KDM4B: variants seen among roughly 807,000 people sequenced by gnomAD.
The protein encoded by KDM4B is lysine-specific demethylase 4B.
In KDM4B, 32 loss-of-function variants were observed where a neutral mutation model predicts 125.2. The observed-to-expected ratio is 0.26, with a 90% CI of 0.19 to 0.34. KDM4B has a LOEUF of 0.34. Among genes scored for constraint, KDM4B ranks in the 10% least tolerant of loss-of-function variants. KDM4B has a pLI of 1.00. For missense variants in KDM4B, 1,190 were observed against 1,577.7 expected, an observed-to-expected ratio of 0.75 and a Z score of 4.16; for synonymous variants, 721 against 677.9, an observed-to-expected ratio of 1.06 and a Z score of -0.99.
intron 1 of KDM4B, among the ~76,000 whole-genome samples, chr19:4,991,625 C>T (rs927730270): frequency 3.9e-5 from 6 of 152,204 alleles, no homozygotes; most frequent in Admixed American, 6.5e-5. Flanking sequence ...CCTCAGGCGT[C>T]CTCAGTGTTA....
chr19:5,138,290 A>G (rs1599260272), intron 18 of KDM4B: 2 of 566,320 alleles, frequency 3.5e-6, no homozygotes, highest in East Asian at 6.0e-5. Flanking sequence ...AGAAGGCATC[A>G]AGGGTGGCAG....
At chr19:4,974,747 A>T (rs1006747802) in intron 1 of KDM4B, among the ~76,000 whole-genome samples, 11 of 152,016 alleles carry the variant, frequency 7.2e-5, no homozygotes, top group African/African-American at 2.7e-4. Context: ...CCAAAAAAAA[A>T]AAAAAGAAGG....
intron 1 of KDM4B, among the ~76,000 whole-genome samples, chr19:4,974,970 C>T (rs1025020918): frequency 3.3e-5 from 5 of 152,190 alleles, no homozygotes; most frequent in South Asian, 4.1e-4. Flanking sequence ...CTTCCCTGCC[C>T]GCCCTTCCCT....
chr19:5,147,715 C>G, intron 21 of KDM4B, among the ~76,000 whole-genome samples: 1 of 150,236 alleles, frequency 6.7e-6, no homozygotes. Context: ...TGCACTCCAA[C>G]CCGGGTGATG....
chr19:5,004,429 C>A (rs1266913733), intron 1 of KDM4B, among the ~76,000 whole-genome samples: 1 of 152,180 alleles, frequency 6.6e-6, no homozygotes, highest in Non-Finnish European at 1.5e-5. Context: ...CCCTTGCTGC[C>A]CCCCGGGCTC....
intron 6 of KDM4B, among the ~76,000 whole-genome samples, chr19:5,048,818 A>C (rs1035130960): frequency 3.9e-5 from 6 of 152,098 alleles, no homozygotes; most frequent in African/African-American, 1.4e-4. Context: ...TTGTGCCTCC[A>C]TAGGGACCGT....
At chr19:5,137,146 T>C (rs2039662103) in intron 15 of KDM4B, 116 bp from the exon 16 acceptor site, 2 of 695,512 alleles carry the variant, frequency 2.9e-6, no homozygotes, top group Admixed American at 4.3e-5. Context: ...GGAGGCCTCG[T>C]CACTCCACAT....
At chr19:5,061,858 A>C (rs943238151) in intron 6 of KDM4B, among the ~76,000 whole-genome samples, 3 of 152,026 alleles carry the variant, frequency 2.0e-5, no homozygotes, top group Non-Finnish European at 4.4e-5. Flanking sequence ...CAACAACAAA[A>C]AACAACAACA....
At chr19:5,018,075 G>C (rs1027084259) in intron 2 of KDM4B, among the ~76,000 whole-genome samples, 1 of 151,940 alleles carries the variant, frequency 6.6e-6, no homozygotes, top group East Asian at 1.9e-4. Context: ...GTCTCACTCT[G>C]TCACCCAGGC....
chr19:5,058,339 G>A (rs766910329), intron 6 of KDM4B, among the ~76,000 whole-genome samples: 4 of 152,202 alleles, frequency 2.6e-5, no homozygotes, highest in Non-Finnish European at 4.4e-5. Context: ...CACTCCACGC[G>A]CAACCCCCAG....
chr19:5,133,810 A>C, intron 13 of KDM4B, 73 bp from the exon 14 acceptor site: 1 of 1,506,872 alleles, frequency 6.6e-7, no homozygotes, highest in East Asian at 2.3e-5. Flanking sequence ...TCCCCTGGGC[A>C]GTTGGGGTGA....
chr19:5,088,212 C>G (rs1477843818), intron 9 of KDM4B, among the ~76,000 whole-genome samples: 1 of 152,218 alleles, frequency 6.6e-6, no homozygotes, highest in Non-Finnish European at 1.5e-5. Flanking sequence ...GGGTGACCGT[C>G]CACACCTGCA....
At chr19:5,077,540 A>G (rs1327475351) in intron 8 of KDM4B, 70 bp downstream of exon 8, 4 of 1,283,984 alleles carry the variant, frequency 3.1e-6, no homozygotes, top group Admixed American at 1.7e-5. Flanking sequence ...GTGGCCGCAC[A>G]TACCCCAGGA....
Position 5,082,372 on chromosome 19 carries a change from G to C in KDM4B, c.786G>C (p.Thr262=). 6.2e-7 allele frequency: 1 copy of C among 1,613,580 alleles called. No individual in the cohort carries two copies. ...KKYGIPFSRI[T]QEAGEFMITF... is the part of the protein sequence containing the mutation. ...TGTCTCCTTTCCCTCTGCAGATCAC[G>C]CAGGAGGCCGGGGAATTCATGATCA... Residue 262 remains threonine (T), a synonymous_variant, in exon 9 of 23, where the codon ACG becomes ACC. Transcript: ENST00000159111. This position sits in a 1 kb window ranked among gnomAD's most constrained non-coding sequence, Gnocchi z 5.4.
intron 6 of KDM4B, among the ~76,000 whole-genome samples, chr19:5,053,594 T>G (rs1021734725): frequency 2.0e-5 from 3 of 152,198 alleles, no homozygotes; most frequent in Non-Finnish European, 1.5e-5. Flanking sequence ...CCCGCTGCAG[T>G]GGCCCCAGCC....
chr19:5,125,606 C>T (rs571553297), intron 11 of KDM4B, among the ~76,000 whole-genome samples: 23 of 152,260 alleles, frequency 1.5e-4, no homozygotes, highest in African/African-American at 4.8e-4. Flanking sequence ...GCAGTGGTCA[C>T]GGTGCCAGGA....
At chr19:5,063,528 C>T (rs2037670689) in intron 6 of KDM4B, among the ~76,000 whole-genome samples, 1 of 152,222 alleles carries the variant, frequency 6.6e-6, no homozygotes, top group African/African-American at 2.4e-5. Context: ...GAGAGGACAT[C>T]TGTGACCTGG....
intron 13 of KDM4B, among the ~76,000 whole-genome samples, chr19:5,132,694 G>T (rs1008823518): frequency 6.6e-6 from 1 of 150,974 alleles, no homozygotes; most frequent in Non-Finnish European, 1.5e-5. Flanking sequence ...CTTCCAGAAG[G>T]CATCTCTGGG....
At chr19:5,111,996 G>A in intron 10 of KDM4B, 1 of 597,890 alleles carries the variant, frequency 1.7e-6, no homozygotes. Context: ...GCTCACACCT[G>A]TAATCTCTGC....
Sources: allele counts gnomAD v4.1 joint callset (sites outside exome capture counted in the v4.1 genomes callset), GRCh38; gene constraint gnomAD v4.1.1; non-coding constraint Gnocchi (gnomAD v3.1); transcripts MANE v1.5; gene names NCBI Gene and HGNC (gene_info 2026-07-23, HGNC 2026-07-21).